PKNOX2: variants seen among roughly 807,000 people sequenced by gnomAD.
PKNOX2 encodes the protein homeobox protein PKNOX2.
Under a neutral mutation model 53.1 loss-of-function variants are expected in PKNOX2, and 14 were observed. That is an observed-to-expected ratio of 0.26 (90% CI 0.17 to 0.41). PKNOX2 has a LOEUF of 0.41. Among genes scored for constraint, PKNOX2 ranks in the 10% least tolerant of loss-of-function variants. The probability of loss-of-function intolerance (pLI) is 1.00; values close to 1 mark genes in which losing one functional copy is unlikely to be tolerated. For synonymous variants in PKNOX2, 257 were observed against 242.8 expected (o/e 1.06, Z -0.54); for missense variants, 496 against 602.8 (o/e 0.82, Z 1.85).
chr11:125,179,890 A>G (rs959391563), intron 1 of PKNOX2, among the ~76,000 whole-genome samples: 1 of 152,232 alleles, frequency 6.6e-6, no homozygotes, highest in Non-Finnish European at 1.5e-5. Flanking sequence ...CTCAGCATAT[A>G]TGTGAATGGC....
chr11:125,171,510 T>C (rs1052580165), intron 1 of PKNOX2, among the ~76,000 whole-genome samples: 3 of 152,154 alleles, frequency 2.0e-5, no homozygotes, highest in Admixed American at 6.5e-5. Flanking sequence ...AGTTACCCCA[T>C]TTGTAAATTG....
intron 4 of PKNOX2, among the ~76,000 whole-genome samples, chr11:125,355,277 G>GAAAA (rs61437536): frequency 3.7e-5 from 4 of 109,214 alleles, no homozygotes; most frequent in Admixed American, 9.4e-5. Context: ...AAAAAAAAAA[G>GAAAA]AAAAAAAAAA....
In PKNOX2 at chr11:125,398,080, G is replaced by A. The variant is rs770423948; in HGVS notation, c.588+18G>A. ...ACTCACAGGTAACACCCAGAGCTGG[G>A]TCCCATCTCTTAAGCCAGGCTCCTA... On this transcript the variant is annotated intron_variant, in intron 7 of 12. Transcript: ENST00000298282. 2 of 1,596,960 alleles carry A rather than the reference G, an allele frequency of 1.3e-6. No individual in the cohort carries two copies. The highest frequency in any genetic ancestry group is 1.7e-5 in the Admixed American group (1 of 57,736).
At chr11:125,384,384 C>T (rs1322494651) in intron 5 of PKNOX2, among the ~76,000 whole-genome samples, 1 of 152,040 alleles carries the variant, frequency 6.6e-6, no homozygotes, top group Non-Finnish European at 1.5e-5. Flanking sequence ...TGCTGATCTC[C>T]AAGATAAAAT....
chr11:125,353,572 TC>T (rs1951430327), intron 4 of PKNOX2, among the ~76,000 whole-genome samples: 1 of 152,122 alleles, frequency 6.6e-6, no homozygotes, highest in African/African-American at 2.4e-5. Flanking sequence ...AGTCTCCACT[TC>T]CATATCTAAG....
chr11:125,334,834 G>A (rs1191620076), intron 3 of PKNOX2, among the ~76,000 whole-genome samples: 4 of 151,830 alleles, frequency 2.6e-5, no homozygotes, highest in African/African-American at 9.7e-5. Flanking sequence ...TAACTCCTGA[G>A]TCCAAGTAAT....
intron 1 of PKNOX2, among the ~76,000 whole-genome samples, chr11:125,231,227 C>G (rs952848403): frequency 6.6e-6 from 1 of 152,220 alleles, no homozygotes; most frequent in Admixed American, 6.5e-5. Context: ...CCCAGCTAAT[C>G]TTCCTCTTTA....
At chr11:125,219,489 G>T (rs1265602836) in intron 1 of PKNOX2, among the ~76,000 whole-genome samples, 1 of 151,346 alleles carries the variant, frequency 6.6e-6, no homozygotes, top group Non-Finnish European at 1.5e-5. Flanking sequence ...ACAACCTGTG[G>T]AAAAATTTTT....
rs372175205 is a variant in PKNOX2 at position 125,296,015 on chromosome 11, C to G, written c.-129-35804C>G. 2.2e-4 allele frequency among the ~76,000 whole-genome samples: 34 copies of G among 152,270 alleles called. 1 individual carries two copies. Among genetic ancestry groups the G allele is most frequent in the African/African-American group, 8.2e-4 (34 of 41,546 alleles). On this transcript the variant is annotated intron_variant, in intron 2 of 12. Coordinates refer to ENST00000298282, the MANE Select transcript of PKNOX2 (RefSeq NM_001382323.2). ...TCCAGTTAAATAAGGTGGGGTCCCC[C>G]TGACTCCTCTCTTTCTCTCACACTC...
rs979068333 is a variant in PKNOX2 at position 125,242,618 on chromosome 11, C to T, written c.-130+7503C>T. ...CATTCCATGCTGGGGATAGAGCAGC[C>T]CAGGGGAAATGGCTCAGGTCTTCCT... On this transcript the variant is annotated intron_variant, in intron 2 of 12. Transcript: ENST00000298282. Among the ~76,000 whole-genome samples, 4 of 151,956 alleles carry T rather than the reference C, an allele frequency of 2.6e-5. No individual in the cohort carries two copies. In the East Asian group the frequency reaches 5.8e-4, roughly 22 times the overall value.
intron 2 of PKNOX2, among the ~76,000 whole-genome samples, chr11:125,265,360 C>A (rs1365836534): frequency 6.6e-6 from 1 of 152,100 alleles, no homozygotes; most frequent in Non-Finnish European, 1.5e-5. Context: ...CATGTATGAC[C>A]AAGGCAAGCT....
chr11:125,293,393 T>C (rs1241218977), intron 2 of PKNOX2, among the ~76,000 whole-genome samples: 1 of 152,214 alleles, frequency 6.6e-6, no homozygotes, highest in Non-Finnish European at 1.5e-5. Context: ...TTTAGTGTTT[T>C]TCAGAAGGAG....
intron 4 of PKNOX2, among the ~76,000 whole-genome samples, chr11:125,360,500 C>A (rs753862782): frequency 6.6e-6 from 1 of 152,202 alleles, no homozygotes; most frequent in Non-Finnish European, 1.5e-5. Context: ...AACTGAGGCT[C>A]AGAGGAACTG....
At chr11:125,187,850 T>C (rs1044080045) in intron 1 of PKNOX2, among the ~76,000 whole-genome samples, 9 of 152,338 alleles carry the variant, frequency 5.9e-5, no homozygotes, top group Middle Eastern at 3.4e-3. Context: ...CAGGTGGGAA[T>C]GGGGGCACCC....
At chr11:125,390,884 G>C (rs1473152188) in intron 6 of PKNOX2, among the ~76,000 whole-genome samples, 1 of 152,178 alleles carries the variant, frequency 6.6e-6, no homozygotes, top group Admixed American at 6.5e-5. Context: ...GAATCATCAG[G>C]CAGTTCTCCA....
chr11:125,173,831 A>C (rs1455343322), intron 1 of PKNOX2, among the ~76,000 whole-genome samples: 1 of 152,200 alleles, frequency 6.6e-6, no homozygotes, highest in Non-Finnish European at 1.5e-5. Flanking sequence ...CTCACAATCC[A>C]GACAGATGTC....
intron 1 of PKNOX2, among the ~76,000 whole-genome samples, chr11:125,191,999 G>A (rs760721665): frequency 6.6e-6 from 1 of 152,156 alleles, no homozygotes; most frequent in Non-Finnish European, 1.5e-5. Context: ...TGCATTACAT[G>A]GCTTTTGTTT....
chr11:125,234,242 C>T (rs1942479743), intron 1 of PKNOX2, among the ~76,000 whole-genome samples: 2 of 152,242 alleles, frequency 1.3e-5, no homozygotes, highest in African/African-American at 4.8e-5. Context: ...TACACTTTAG[C>T]ACAACTTCGT....
intron 2 of PKNOX2, among the ~76,000 whole-genome samples, chr11:125,306,367 G>A (rs984943663): frequency 2.0e-5 from 3 of 152,190 alleles, no homozygotes; most frequent in Non-Finnish European, 2.9e-5. Flanking sequence ...GCTCACTGAT[G>A]CAGGTTTAGG....
Sources: allele counts gnomAD v4.1 joint callset (sites outside exome capture counted in the v4.1 genomes callset), GRCh38; gene constraint gnomAD v4.1.1; transcripts MANE v1.5; gene names NCBI Gene and HGNC (gene_info 2026-07-23, HGNC 2026-07-21).